SLC39A11: variants seen among roughly 807,000 people sequenced by gnomAD.
SLC39A11 encodes the protein zinc transporter ZIP11.
In SLC39A11, 33 loss-of-function variants were observed where a neutral mutation model predicts 36.1. That is an observed-to-expected ratio of 0.91 (90% CI 0.69 to 1.22). The LOEUF is 1.22. Ranked by LOEUF, SLC39A11 falls within the 50% of genes most tolerant of loss-of-function variation. The pLI, the probability that SLC39A11 is intolerant of heterozygous loss-of-function variation, is 0.00. For synonymous variants in SLC39A11, 166 were observed against 170.3 expected, an observed-to-expected ratio of 0.97 and a Z score of 0.20; for missense variants, 432 against 430.3, an observed-to-expected ratio of 1.00 and a Z score of -0.03.
chr17:73,076,125 G>A (rs2060311456), intron 3 of SLC39A11, among the ~76,000 whole-genome samples: 1 of 151,088 alleles, frequency 6.6e-6, no homozygotes, highest in African/African-American at 2.4e-5. Flanking sequence ...TTTTTTTAAT[G>A]GTAACCACTC....
intron 6 of SLC39A11, among the ~76,000 whole-genome samples, chr17:72,843,564 A>G (rs1169083952): frequency 6.6e-6 from 1 of 152,172 alleles, no homozygotes; most frequent in African/African-American, 2.4e-5. Context: ...TACAACGAGA[A>G]GACAGTCACC....
At chr17:72,690,975 G>A (rs1203016228) in intron 7 of SLC39A11, among the ~76,000 whole-genome samples, 1 of 152,168 alleles carries the variant, frequency 6.6e-6, no homozygotes, top group Non-Finnish European at 1.5e-5. Flanking sequence ...TCTGTACAAG[G>A]GAGGAAGTGG....
At chr17:72,861,743 TATATATATA>T (rs1567842559) in intron 5 of SLC39A11, among the ~76,000 whole-genome samples, 12 of 2,340 alleles carry the variant, frequency 5.1e-3, no homozygotes, top group African/African-American at 0.015. Context: ...TTGGAGATTA[TATATATATA>T]TATATATATA....
At chr17:72,694,157 G>C (rs532231551) in intron 7 of SLC39A11, among the ~76,000 whole-genome samples, 2 of 152,176 alleles carry the variant, frequency 1.3e-5, no homozygotes, top group Non-Finnish European at 2.9e-5. Flanking sequence ...TGGAGCCAGC[G>C]GTGGGTGAGG....
At chr17:72,673,613 A>C (rs528461862) in intron 7 of SLC39A11, among the ~76,000 whole-genome samples, 1 of 152,082 alleles carries the variant, frequency 6.6e-6, no homozygotes, top group Non-Finnish European at 1.5e-5. Context: ...ACTGTTTTCC[A>C]AAGAGATTGG....
At chr17:72,732,745 T>G (rs1332301438) in intron 7 of SLC39A11, among the ~76,000 whole-genome samples, 3 of 152,140 alleles carry the variant, frequency 2.0e-5, no homozygotes, top group Admixed American at 6.6e-5. Flanking sequence ...AGTGGAAGAG[T>G]TAGGGCTTTG....
chr17:72,679,769 C>T (rs957374969), intron 7 of SLC39A11, among the ~76,000 whole-genome samples: 21 of 152,220 alleles, frequency 1.4e-4, no homozygotes, highest in Admixed American at 7.8e-4. Flanking sequence ...ATTGGCTGGG[C>T]ACGGTGGCTC....
At chr17:72,865,892 C>T (rs1414479687) in intron 5 of SLC39A11, among the ~76,000 whole-genome samples, 1 of 152,216 alleles carries the variant, frequency 6.6e-6, no homozygotes, top group Non-Finnish European at 1.5e-5. Flanking sequence ...ACAGTCATTT[C>T]TATTGAAAAC....
intron 1 of SLC39A11, 121 bp from the exon 2 acceptor site, chr17:73,088,896 C>A: frequency 1.5e-6 from 1 of 679,944 alleles, no homozygotes; most frequent in Non-Finnish European, 2.6e-6. Context: ...CCGTATGCAC[C>A]CTTCCACCAC....
chr17:73,053,540 T>C (rs2059576422), intron 3 of SLC39A11, among the ~76,000 whole-genome samples: 1 of 152,216 alleles, frequency 6.6e-6, no homozygotes, highest in Non-Finnish European at 1.5e-5. Flanking sequence ...ACTCATTTCA[T>C]CTGTACAGCA....
At chr17:72,949,880 T>A (rs930183920) in intron 4 of SLC39A11, among the ~76,000 whole-genome samples, 2 of 151,878 alleles carry the variant, frequency 1.3e-5, no homozygotes, top group African/African-American at 2.4e-5. Flanking sequence ...TTTTAAAAAA[T>A]ACTAAAACAA....
intron 2 of SLC39A11, among the ~76,000 whole-genome samples, 188 bp from the exon 3 acceptor site, chr17:73,085,034 C>T (rs1238733089): frequency 1.3e-5 from 2 of 152,186 alleles, no homozygotes; most frequent in Admixed American, 1.3e-4. Flanking sequence ...ACTTTCCACC[C>T]ACCCCATAGC....
intron 6 of SLC39A11, among the ~76,000 whole-genome samples, chr17:72,846,884 C>A (rs1416553903): frequency 2.6e-5 from 4 of 152,126 alleles, no homozygotes; most frequent in Non-Finnish European, 5.9e-5. Context: ...AAACAAGTAA[C>A]CTCTCTTCTC....
intron 3 of SLC39A11, among the ~76,000 whole-genome samples, chr17:73,067,148 TC>T (rs1402980628): frequency 6.6e-6 from 1 of 152,244 alleles, no homozygotes; most frequent in African/African-American, 2.4e-5. Context: ...GAGTGCCTGC[TC>T]CAGTTTCCGT....
intron 6 of SLC39A11, among the ~76,000 whole-genome samples, chr17:72,803,704 C>T (rs905339743): frequency 2.0e-5 from 3 of 152,128 alleles, no homozygotes; most frequent in Non-Finnish European, 4.4e-5. Context: ...TTGCATCTCA[C>T]ATGTGGCACA....
At chr17:72,776,516 C>A (rs1387137535) in intron 6 of SLC39A11, among the ~76,000 whole-genome samples, 1 of 148,494 alleles carries the variant, frequency 6.7e-6, no homozygotes, top group Non-Finnish European at 1.5e-5. Context: ...TTCTCTATAT[C>A]AAAATAATTA....
intron 7 of SLC39A11, among the ~76,000 whole-genome samples, chr17:72,735,026 C>T (rs535829227): frequency 8.5e-5 from 13 of 152,212 alleles, no homozygotes; most frequent in African/African-American, 2.4e-4. Flanking sequence ...TCATCATTAG[C>T]CCTTGTTTTG....
intron 8 of SLC39A11, 65 bp downstream of exon 8, chr17:72,649,105 G>A: frequency 6.4e-7 from 1 of 1,567,632 alleles, no homozygotes; most frequent in South Asian, 1.2e-5. Context: ...GCACATCACT[G>A]TTTTGTTGAA....
chr17:73,014,675 G>A (rs1403748181), intron 4 of SLC39A11, among the ~76,000 whole-genome samples: 1 of 152,172 alleles, frequency 6.6e-6, no homozygotes, highest in Non-Finnish European at 1.5e-5. Context: ...ATGCGGATGG[G>A]CACATACAAG....
Sources: allele counts gnomAD v4.1 joint callset (sites outside exome capture counted in the v4.1 genomes callset), GRCh38; gene constraint gnomAD v4.1.1; transcripts MANE v1.5; gene names NCBI Gene and HGNC (gene_info 2026-07-23, HGNC 2026-07-21).